GAREM1: variants seen among roughly 807,000 people sequenced by gnomAD.
GAREM1 encodes the protein GRB2-associated and regulator of MAPK protein 1.
GAREM1 carries 26 observed loss-of-function variants against 71.3 expected under a neutral mutation model. That is an observed-to-expected ratio of 0.36 (90% CI 0.27 to 0.51). The LOEUF (loss-of-function observed/expected upper bound fraction) is 0.51. GAREM1 is among the 20% of genes least tolerant of loss of function. The pLI is 0.95. For synonymous variants in GAREM1, 440 were observed against 433.2 expected (o/e 1.02, Z -0.20); for missense variants, 1,026 against 1,103.1 (o/e 0.93, Z 0.99).
At chr18:32,438,257 A>G (rs981730417) in intron 1 of GAREM1, among the ~76,000 whole-genome samples, 3 of 152,190 alleles carry the variant, frequency 2.0e-5, no homozygotes, top group Non-Finnish European at 4.4e-5. Flanking sequence ...TCTGTTTGCT[A>G]TGGTCTAAAG....
At chr18:32,302,185 T>C (rs1391260812) in intron 3 of GAREM1, among the ~76,000 whole-genome samples, 1 of 152,216 alleles carries the variant, frequency 6.6e-6, no homozygotes, top group Non-Finnish European at 1.5e-5. Flanking sequence ...CTGGTTTCTA[T>C]GCTGGGCTTT....
At chr18:32,440,230 T>C (rs1319769225) in intron 1 of GAREM1, among the ~76,000 whole-genome samples, 1 of 152,188 alleles carries the variant, frequency 6.6e-6, no homozygotes, top group Non-Finnish European at 1.5e-5. Flanking sequence ...TCATCCTTAC[T>C]TTTTTTAGCT....
intron 3 of GAREM1, among the ~76,000 whole-genome samples, chr18:32,293,764 C>A (rs1265561504): frequency 6.6e-6 from 1 of 152,082 alleles, no homozygotes; most frequent in Non-Finnish European, 1.5e-5. Flanking sequence ...TTGGACAGTA[C>A]CTTGACCAGG....
Position 32,287,214 on chromosome 18 carries a change from G to A in GAREM1, c.1383C>T (p.Gly461=), listed in dbSNP as rs1425825548. The A allele has an allele frequency of 1.2e-6, 2 of 1,614,222 alleles. No homozygotes were observed. Among genetic ancestry groups the A allele is most frequent in the African/African-American group, 2.7e-5 (2 of 75,064 alleles). Reference sequence around the variant, plus strand: ...GAGTGAGAGGCTGATGGCTGGGCTTGCCTTCCTCCAGCCACAGCTCTTCGT... The same window carrying A: ...GAGTGAGAGGCTGATGGCTGGGCTTACCTTCCTCCAGCCACAGCTCTTCGT... ...LPYEELWLEE[G]KPSHQPLTRS... Residue 461 remains glycine, a synonymous_variant, in exon 4 of 6, where the codon GGC becomes GGT. Coordinates refer to ENST00000269209, the MANE Select transcript of GAREM1 (RefSeq NM_001242409.2). This position sits in a 1 kb window ranked among gnomAD's most constrained non-coding sequence, Gnocchi z 5.9.
chr18:32,432,518 T>C (rs2048633718), intron 1 of GAREM1, among the ~76,000 whole-genome samples: 1 of 152,026 alleles, frequency 6.6e-6, no homozygotes, highest in Non-Finnish European at 1.5e-5. Flanking sequence ...GATCTTTCTC[T>C]GAAAAGATCA....
intron 2 of GAREM1, among the ~76,000 whole-genome samples, chr18:32,343,661 A>G (rs1468719583): frequency 6.6e-6 from 1 of 152,224 alleles, no homozygotes; most frequent in African/African-American, 2.4e-5. Flanking sequence ...TGTGTACTTC[A>G]TATTATCAAT....
chr18:32,309,540 A>C (rs2047292124), intron 3 of GAREM1, among the ~76,000 whole-genome samples: 4 of 140,820 alleles, frequency 2.8e-5, no homozygotes, highest in African/African-American at 2.6e-5. Context: ...GGCATGAACC[A>C]GGGAGGCGAA....
chr18:32,377,595 G>A (rs948211742), intron 2 of GAREM1, among the ~76,000 whole-genome samples: 3 of 152,128 alleles, frequency 2.0e-5, no homozygotes, highest in South Asian at 2.1e-4. Context: ...ACGGAGTCTC[G>A]TTCTGTCGCC....
chr18:32,334,557 C>T (rs562901286), intron 2 of GAREM1, among the ~76,000 whole-genome samples: 3 of 152,218 alleles, frequency 2.0e-5, no homozygotes, highest in South Asian at 2.1e-4. Flanking sequence ...AAAGATATTT[C>T]CCCCGAGTGG....
chr18:32,434,752 A>C (rs1029892449), intron 1 of GAREM1, among the ~76,000 whole-genome samples: 2 of 152,144 alleles, frequency 1.3e-5, no homozygotes, highest in African/African-American at 4.8e-5. Context: ...CCAGCAGAAC[A>C]CCACTATAAT....
chr18:32,351,840 T>C (rs932139650), intron 2 of GAREM1, among the ~76,000 whole-genome samples: 2 of 152,152 alleles, frequency 1.3e-5, no homozygotes, highest in African/African-American at 2.4e-5. Flanking sequence ...GCATATTCTT[T>C]GAAAAGAATT....
intron 2 of GAREM1, among the ~76,000 whole-genome samples, chr18:32,363,086 G>T (rs750864307): frequency 6.6e-6 from 1 of 152,120 alleles, no homozygotes; most frequent in African/African-American, 2.4e-5. Flanking sequence ...GTTTAGTTTT[G>T]AATCCAAATT....
At chr18:32,462,999 C>T (rs1201118866) in intron 1 of GAREM1, among the ~76,000 whole-genome samples, 2 of 151,978 alleles carry the variant, frequency 1.3e-5, no homozygotes, top group African/African-American at 4.8e-5. Context: ...GAATAAGTGT[C>T]CTACTGCACA....
At chr18:32,438,451 C>G (rs905587218) in intron 1 of GAREM1, among the ~76,000 whole-genome samples, 18 of 152,202 alleles carry the variant, frequency 1.2e-4, no homozygotes, top group African/African-American at 4.1e-4. Context: ...GCAGCTGAAC[C>G]CACTGTCAAA....
chr18:32,293,785 T>C (rs2047111743), intron 3 of GAREM1, among the ~76,000 whole-genome samples: 1 of 152,130 alleles, frequency 6.6e-6, no homozygotes, highest in African/African-American at 2.4e-5. Context: ...TTATCAAATT[T>C]AGTATCACCA....
intron 2 of GAREM1, among the ~76,000 whole-genome samples, chr18:32,384,060 AT>A (rs978369618): frequency 2.6e-5 from 4 of 152,262 alleles, no homozygotes; most frequent in South Asian, 4.1e-4. Flanking sequence ...TAAGAAAATA[AT>A]TTTTTTAAAA....
In GAREM1 at chr18:32,354,977, G is replaced by T. The variant is rs138438385; in HGVS notation, c.262+37918C>A. On this transcript the variant is annotated intron_variant, in intron 2 of 5. Coordinates refer to ENST00000269209, the MANE Select transcript of GAREM1 (RefSeq NM_001242409.2). ...AAAAGAATAAAAATTAGAAATGAGT[G>T]AGGAGGAGAGATTAACAGCTGTGTA... Among the ~76,000 whole-genome samples, 627 of 152,242 alleles carry T rather than the reference G, an allele frequency of 4.1e-3. 12 individuals carry two copies. Among genetic ancestry groups the T allele is most frequent in the African/African-American group, 0.015 (607 of 41,536 alleles).
At chr18:32,369,529 T>G (rs1438609641) in intron 2 of GAREM1, among the ~76,000 whole-genome samples, 1 of 152,168 alleles carries the variant, frequency 6.6e-6, no homozygotes, top group Non-Finnish European at 1.5e-5. Context: ...TGGAGATGGA[T>G]GGAGGGAGGG....
At chr18:32,347,196 T>C (rs2047704950) in intron 2 of GAREM1, among the ~76,000 whole-genome samples, 1 of 152,110 alleles carries the variant, frequency 6.6e-6, no homozygotes, top group African/African-American at 2.4e-5. Context: ...AAAGTCTTAG[T>C]AACAATACCA....
Sources: gnomAD v4.1 joint callset for allele counts (sites outside exome capture counted in the v4.1 genomes callset) on GRCh38, gnomAD v4.1.1 for gene constraint, Gnocchi (gnomAD v3.1) non-coding constraint, MANE v1.5 for transcripts, NCBI Gene and HGNC (gene_info 2026-07-23, HGNC 2026-07-21) for gene names.